MAGED1: variants seen among roughly 807,000 people sequenced by gnomAD.
MAGED1 encodes melanoma-associated antigen D1.
MAGED1 carries 3 observed loss-of-function variants against 54.1 expected under a neutral mutation model. That is an observed-to-expected ratio of 0.06 (90% CI 0.03 to 0.14). The LOEUF (loss-of-function observed/expected upper bound fraction) is 0.14, where lower values mean the gene tolerates loss of function less well. Among genes scored for constraint, MAGED1 ranks in the 10% least tolerant of loss-of-function variants. The pLI is 1.00. For synonymous variants in MAGED1, 217 were observed against 227.3 expected, an observed-to-expected ratio of 0.95 and a Z score of 0.41; for missense variants, 485 against 623.4, an observed-to-expected ratio of 0.78 and a Z score of 2.36.
intron 1 of MAGED1, among the ~76,000 whole-genome samples, chrX:51,839,848 G>A (rs890936159): frequency 3.6e-5 from 4 of 112,013 alleles, no homozygotes; most frequent in Admixed American, 1.9e-4. Flanking sequence ...GGTCTTCTTG[G>A]TTAATAGAAA....
At chrX:51,849,240 T>C (rs2146977578) in intron 1 of MAGED1, among the ~76,000 whole-genome samples, 1 of 111,676 alleles carries the variant, frequency 9.0e-6, no homozygotes, top group Admixed American at 9.5e-5. Context: ...TATATATATG[T>C]GTGTCTGCTT....
intron 1 of MAGED1, among the ~76,000 whole-genome samples, chrX:51,803,475 G>C (rs1366388333): frequency 1.9e-5 from 2 of 107,860 alleles, no homozygotes; most frequent in Non-Finnish European, 3.8e-5. Context: ...TCCGCCTTCT[G>C]CCCCCCATCC....
At chrX:51,892,949 C>A (rs146000276), upstream of MAGED1, among the ~76,000 whole-genome samples, 6 of 111,225 alleles carry the variant, frequency 5.4e-5, no homozygotes, top group African/African-American at 2.0e-4. Flanking sequence ...ACAAATCCTG[C>A]TGTGATGTAC....
chrX:51,815,979 A>G (rs1925408018), intron 1 of MAGED1, among the ~76,000 whole-genome samples: 1 of 112,060 alleles, frequency 8.9e-6, no homozygotes, highest in Non-Finnish European at 1.9e-5. Flanking sequence ...TAAGTGTACT[A>G]AAGTGCACAT....
In MAGED1 at chrX:51,836,881, C is replaced by T. The variant is rs781903971; in HGVS notation, c.-37+33764C>T. 3.6e-5 allele frequency among the ~76,000 whole-genome samples: 4 copies of T among 111,613 alleles called. No individual in the cohort carries two copies. In the Admixed American group the frequency reaches 3.8e-4, roughly 11 times the overall value. On this transcript the variant is annotated intron_variant, in intron 1 of 12. Coordinates refer to the MAGED1 transcript ENST00000375772. Reference sequence around the variant, plus strand: ...GAGCCACCGCGCCTGGCAATGTATACGCTGTTGAATACTCAATGGAGCCTT... The same window carrying T: ...GAGCCACCGCGCCTGGCAATGTATATGCTGTTGAATACTCAATGGAGCCTT...
intron 1 of MAGED1, among the ~76,000 whole-genome samples, chrX:51,841,220 G>T (rs1370473540): frequency 2.7e-5 from 3 of 111,283 alleles, no homozygotes; most frequent in Admixed American, 9.6e-5. Flanking sequence ...TGTTTTGGCT[G>T]CATAAATGTC....
In MAGED1 at chrX:51,869,643, C is replaced by T. The variant is rs187051435; in HGVS notation, c.-36-24626C>T. Among the ~76,000 whole-genome samples the T allele has an allele frequency of 4.5e-5, 5 of 110,326 alleles. No individual in the cohort carries two copies. In the Admixed American group the frequency reaches 4.8e-4, roughly 11 times the overall value. Reference sequence around the variant, plus strand: ...CAGCAGTTTGGGAGGCCGAGGCAGGCGAATCGCTTGAGCTCAGGAGTTTGA... The same window carrying T: ...CAGCAGTTTGGGAGGCCGAGGCAGGTGAATCGCTTGAGCTCAGGAGTTTGA... On this transcript the variant is annotated intron_variant, in intron 1 of 12. Coordinates refer to the MAGED1 transcript ENST00000375772.
upstream of MAGED1, among the ~76,000 whole-genome samples, chrX:51,892,862 T>C (rs1251683832): frequency 1.8e-5 from 2 of 111,163 alleles, no homozygotes; most frequent in African/African-American, 6.6e-5. Flanking sequence ...TATCTGTGCC[T>C]CAGCTTCCTG....
Position 51,882,783 on chromosome X carries a change from C to T in MAGED1, c.-36-11486C>T, listed in dbSNP as rs782711644. 2.5e-3 allele frequency among the ~76,000 whole-genome samples: 275 copies of T among 111,115 alleles called. 1 individual carries two copies. Among genetic ancestry groups the T allele is most frequent in the African/African-American group, 8.5e-3 (261 of 30,537 alleles). On this transcript the variant is annotated intron_variant, in intron 1 of 12. Transcript: ENST00000375772. ...TTGGCTCACTGCAACCTCCGCCTCC[C>T]GGGTTCAAGCGATTCTCCTGCCTCA...
intron 10 of MAGED1, 181 bp downstream of exon 10, chrX:51,898,824 G>A (rs1011083986): frequency 1.0e-5 from 4 of 393,040 alleles, no homozygotes; most frequent in South Asian, 5.4e-5. Context: ...GCAACATAAC[G>A]AAACCCCATC....
At chrX:51,882,632 A>G (rs960014595) in intron 1 of MAGED1, among the ~76,000 whole-genome samples, 19 of 110,363 alleles carry the variant, frequency 1.7e-4, no homozygotes, top group Admixed American at 4.8e-4. Context: ...AAAAGCTTCA[A>G]TGTAAATCCA....
intron 1 of MAGED1, among the ~76,000 whole-genome samples, chrX:51,885,562 T>A (rs12843252): frequency 0.25 from 27,663 of 110,659 alleles, 2,743 homozygotes; most frequent in Middle Eastern, 0.32. Context: ...TTGTTGATTG[T>A]TTCCTTTGCT....
intron 1 of MAGED1, among the ~76,000 whole-genome samples, chrX:51,870,358 A>G (rs182998218): frequency 8.9e-6 from 1 of 112,205 alleles, no homozygotes; most frequent in East Asian, 2.8e-4. Context: ...ATCTTACTCA[A>G]AATTGATGCG....
chrX:51,894,800 T>C, intron 2 of MAGED1: 1 of 1,143,272 alleles, frequency 8.7e-7, no homozygotes, highest in Non-Finnish European at 1.2e-6. Flanking sequence ...CTCCTGTTCG[T>C]GCCCACTTTC....
intron 1 of MAGED1, among the ~76,000 whole-genome samples, chrX:51,825,671 C>T (rs1037615058): frequency 2.7e-5 from 3 of 111,509 alleles, no homozygotes; most frequent in African/African-American, 9.8e-5. Context: ...CGTACATTAG[C>T]CTTCACTTCC....
intron 1 of MAGED1, among the ~76,000 whole-genome samples, chrX:51,804,711 TAAAA>T (rs1924968936): frequency 9.2e-6 from 1 of 109,253 alleles, no homozygotes; most frequent in South Asian, 3.9e-4. Flanking sequence ...CATGAAGAAA[TAAAA>T]AAGAAAAAAA....
At position 51,895,356 on chromosome X, in the gene MAGED1, G is replaced by C. The variant is rs1284254579; in HGVS notation, c.349G>C (p.Ala117Pro). The C allele has an allele frequency of 1.1e-5, 13 of 1,207,933 alleles. No homozygotes were observed. Among genetic ancestry groups the C allele is most frequent in the Non-Finnish European group, 1.5e-5 (13 of 894,108 alleles). Residue 117 changes from alanine (A) to proline (P), a missense_variant, in exon 3 of 13, where the codon GCT becomes CCT. By Grantham distance (27) the Ala-to-Pro change is conservative (BLOSUM62 -1). This residue lies in a region of MAGED1 where 299 missense variants were observed against 293.1 expected (regional missense o/e 1.02). Transcript: ENST00000326587. Reference sequence around the variant, plus strand: ...CAAGGCAGCCTTTAAGTCCCAAAATGCTACCCCAAAGGGTCCAAATGCTGC... The same window carrying C: ...CAAGGCAGCCTTTAAGTCCCAAAATCCTACCCCAAAGGGTCCAAATGCTGC... ...QPKAAFKSQN[A>P]TPKGPNAAYD...
chrX:51,833,529 T>C (rs1926142930), intron 1 of MAGED1, among the ~76,000 whole-genome samples: 1 of 111,917 alleles, frequency 8.9e-6, no homozygotes, highest in African/African-American at 3.2e-5. Context: ...AACTAAATTA[T>C]GTTTGAAGAT....
intron 1 of MAGED1, among the ~76,000 whole-genome samples, chrX:51,866,468 G>A (rs1298928620): frequency 8.9e-6 from 1 of 111,773 alleles, no homozygotes; most frequent in East Asian, 2.8e-4. Context: ...ATAAAACTGT[G>A]AACATTCCAA....
Sources: allele counts gnomAD v4.1 joint callset (sites outside exome capture counted in the v4.1 genomes callset), GRCh38; gene constraint gnomAD v4.1.1; regional missense constraint gnomAD v4.1.1; transcripts MANE v1.5; gene names NCBI Gene and HGNC (gene_info 2026-07-23, HGNC 2026-07-21).